Variants in CDH13 observed in about 807,000 individuals in gnomAD.
CDH13 encodes the protein cadherin 13, also known as cadherin-13.
In CDH13, 24 loss-of-function variants were observed where a neutral mutation model predicts 63.8. The ratio of observed to expected loss-of-function variants is 0.38; its 90% CI spans 0.27 to 0.53. The LOEUF is 0.53. Ranked by LOEUF, CDH13 falls within the 20% of genes least tolerant of loss-of-function variation. CDH13 has a pLI of 0.85. For synonymous variants in CDH13, 503 were observed against 355.3 expected (o/e 1.42, Z -4.67); for missense variants, 1,049 against 903.1 (o/e 1.16, Z -2.07).
At chr16:82,882,071 C>T (rs1309884343) in intron 2 of CDH13, among the ~76,000 whole-genome samples, 4 of 152,140 alleles carry the variant, frequency 2.6e-5, no homozygotes, top group Non-Finnish European at 5.9e-5. Flanking sequence ...AGTGAGTCCT[C>T]AGCTCAGTCT....
chr16:83,020,602 T>C (rs1915257192), intron 2 of CDH13, among the ~76,000 whole-genome samples: 1 of 152,242 alleles, frequency 6.6e-6, no homozygotes, highest in Admixed American at 6.5e-5. Context: ...AAGTTGTCTG[T>C]GGTTTGTGAA....
At chr16:83,134,442 G>A (rs1003778520) in intron 4 of CDH13, among the ~76,000 whole-genome samples, 27 of 151,938 alleles carry the variant, frequency 1.8e-4, no homozygotes, top group East Asian at 9.7e-4. Flanking sequence ...CACCTGCCTC[G>A]GCCTCCCAAA....
intron 7 of CDH13, among the ~76,000 whole-genome samples, chr16:83,488,321 G>A (rs1450216492): frequency 6.6e-6 from 1 of 152,114 alleles, no homozygotes; most frequent in African/African-American, 2.4e-5. Context: ...TATTTCTACT[G>A]CCTAGCATGG....
intron 1 of CDH13, among the ~76,000 whole-genome samples, chr16:82,755,935 C>G (rs538431226): frequency 6.6e-6 from 1 of 152,140 alleles, no homozygotes; most frequent in East Asian, 1.9e-4. Context: ...CAGAGAGGGG[C>G]CAGGAAGACT....
chr16:82,827,714 A>T (rs2038321670), intron 1 of CDH13, among the ~76,000 whole-genome samples: 1 of 152,240 alleles, frequency 6.6e-6, no homozygotes, highest in African/African-American at 2.4e-5. Flanking sequence ...CTTCATAAAG[A>T]TTCTCAGCAT....
rs544665839 is a variant in CDH13 at position 83,739,451 on chromosome 16, G to A, written c.1539-8657G>A. On this transcript the variant is annotated intron_variant, in intron 10 of 13. Coordinates refer to ENST00000567109, the MANE Select transcript of CDH13 (RefSeq NM_001257.5). The stretch of plus-strand genomic sequence containing the variant: ...CTTTTTTCTGTGCTGTTTTCCCTGC[G>A]TATTTTCCCTGTGATAAGTTTTAAC... 6.6e-5 allele frequency among the ~76,000 whole-genome samples: 10 copies of A among 152,260 alleles called. No homozygotes were observed. In the South Asian group the frequency reaches 1.9e-3, roughly 28 times the overall value.
intron 3 of CDH13, among the ~76,000 whole-genome samples, chr16:83,071,390 C>T (rs1011614564): frequency 1.3e-5 from 2 of 152,210 alleles, no homozygotes; most frequent in African/African-American, 2.4e-5. Flanking sequence ...AGATGCTCCC[C>T]TTCCTATTAA....
intron 6 of CDH13, among the ~76,000 whole-genome samples, chr16:83,400,096 T>C (rs1191420704): frequency 6.6e-6 from 1 of 152,052 alleles, no homozygotes; most frequent in Non-Finnish European, 1.5e-5. Flanking sequence ...GGAAGGAGCA[T>C]GCTGAGGCCT....
chr16:83,604,463 G>A (rs190162267), intron 8 of CDH13, among the ~76,000 whole-genome samples: 131 of 152,314 alleles, frequency 8.6e-4, no homozygotes, highest in African/African-American at 2.9e-3. Flanking sequence ...TCAGGGTCAA[G>A]TAGATGTGGG....
At chr16:83,266,588 C>A (rs141563303) in intron 5 of CDH13, among the ~76,000 whole-genome samples, 1 of 152,222 alleles carries the variant, frequency 6.6e-6, no homozygotes, top group South Asian at 2.1e-4. Flanking sequence ...CATCTCCCCT[C>A]TTCACACTCC....
At chr16:82,822,939 T>G (rs1180914960) in intron 1 of CDH13, among the ~76,000 whole-genome samples, 1 of 151,908 alleles carries the variant, frequency 6.6e-6, no homozygotes. Context: ...GAGGCTGGAG[T>G]CATCTGGAAG....
At chr16:83,284,347 C>G (rs1337509541) in intron 5 of CDH13, among the ~76,000 whole-genome samples, 1 of 152,126 alleles carries the variant, frequency 6.6e-6, no homozygotes, top group African/African-American at 2.4e-5. Context: ...GCCTGTTAGA[C>G]CATAAAATCC....
chr16:82,963,879 C>T (rs758596453), intron 2 of CDH13, among the ~76,000 whole-genome samples: 4 of 152,100 alleles, frequency 2.6e-5, no homozygotes, highest in East Asian at 1.9e-4. Flanking sequence ...GCAAGGGCAC[C>T]GGAAAGCCAG....
rs77230906 is a variant in CDH13, at chr16:83,757,006, A to G, written c.1681+8756A>G. 2.0e-5 allele frequency among the ~76,000 whole-genome samples: 3 copies of G among 152,350 alleles called. No individual in the cohort carries two copies. In the East Asian group the frequency reaches 5.8e-4, roughly 29 times the overall value. On this transcript the variant is annotated intron_variant, in intron 11 of 13. Transcript: ENST00000567109. ...TTCAAATTCCCAAGGAAAATTACCT[A>G]AATTGTTTGCATGCAGAGCATATAG... is the stretch of plus-strand genomic sequence containing the variant.
At chr16:83,112,713 C>T (rs1457663003) in intron 3 of CDH13, among the ~76,000 whole-genome samples, 2 of 152,182 alleles carry the variant, frequency 1.3e-5, no homozygotes, top group African/African-American at 2.4e-5. Flanking sequence ...AAAGCATGAA[C>T]ACTTTAAAGG....
At position 82,946,692 on chromosome 16, in the gene CDH13, G is replaced by C. The variant is rs1052997636; in HGVS notation, c.158-85318G>C. ...GCCAAGATCACACCACTGCACTCCA[G>C]CGTGGGTGACAGAATGAAACTCTGT... On this transcript the variant is annotated intron_variant, in intron 2 of 13. Coordinates refer to ENST00000567109, the MANE Select transcript of CDH13 (RefSeq NM_001257.5). Among the ~76,000 whole-genome samples the C allele has an allele frequency of 5.9e-5, 9 of 151,828 alleles. No individual in the cohort carries two copies. The East Asian group carries it at 1.7e-3, about 30-fold the overall frequency.
chr16:82,662,723 C>T (rs979394467), intron 1 of CDH13, among the ~76,000 whole-genome samples: 17 of 152,202 alleles, frequency 1.1e-4, no homozygotes, highest in African/African-American at 4.1e-4. Context: ...TAGAAGGGGG[C>T]AGATCACTGG....
chr16:83,183,948 C>G (rs879040456), intron 4 of CDH13, among the ~76,000 whole-genome samples: 1 of 152,036 alleles, frequency 6.6e-6, no homozygotes, highest in Admixed American at 6.6e-5. Flanking sequence ...TCCCAAAATT[C>G]CAGAGCAAGA....
chr16:82,888,305 T>A (rs2040961701), intron 2 of CDH13, among the ~76,000 whole-genome samples: 2 of 152,206 alleles, frequency 1.3e-5, no homozygotes, highest in South Asian at 4.1e-4. Flanking sequence ...GGCAAAAGGT[T>A]TGATCTGGCT....
Sources: allele counts gnomAD v4.1 joint callset (sites outside exome capture counted in the v4.1 genomes callset), GRCh38; gene constraint gnomAD v4.1.1; transcripts MANE v1.5; gene names NCBI Gene and HGNC (gene_info 2026-07-23, HGNC 2026-07-21).